The following PCDHGA7 variants were observed in gnomAD, a reference collection of about 807,000 sequenced individuals.
PCDHGA7 encodes protocadherin gamma subfamily A, 7, also known as protocadherin gamma-A7.
In PCDHGA7, 44 loss-of-function variants were observed where a neutral mutation model predicts 58.3. That is an observed-to-expected ratio of 0.75 (90% confidence interval 0.59 to 0.97). PCDHGA7 has a LOEUF of 0.97. Ranked by LOEUF, PCDHGA7 falls within the 50% of genes least tolerant of loss-of-function variation. The pLI is 0.00. For missense variants in PCDHGA7, 1,266 were observed against 1,188.7 expected, an observed-to-expected ratio of 1.06 and a Z score of -0.96; for synonymous variants, 516 against 504.2, an observed-to-expected ratio of 1.02 and a Z score of -0.31.
In PCDHGA7 at chr5:141,435,189, G is replaced by A. The variant is rs569176993; in HGVS notation, c.2424+49866G>A. Among the ~76,000 whole-genome samples the A allele has an allele frequency of 5.3e-5, 8 of 152,166 alleles. No homozygotes were observed. The South Asian group carries it at 8.3e-4, about 16-fold the overall frequency. On this transcript the variant is annotated intron_variant, in intron 1 of 3. Coordinates refer to ENST00000518325, the MANE Select transcript of PCDHGA7 (RefSeq NM_018920.4). ...GTGGCTTTTAACTACACTTGAGATGGCTAGCAAATTCATAAAGTGAATTTA... is the reference window on the plus strand; with the variant it reads ...GTGGCTTTTAACTACACTTGAGATGACTAGCAAATTCATAAAGTGAATTTA...
rs114918874 is a variant in PCDHGA7 at position 141,487,585 on chromosome 5, C to T, written c.2425-7222C>T. On this transcript the variant is annotated intron_variant, in intron 1 of 3. Transcript: ENST00000518325. This position sits in a 1 kb window ranked among gnomAD's most constrained non-coding sequence, Gnocchi z 5.0. Reference sequence around the variant, plus strand: ...CAGGGGAGCCTGTTCGCCCAAGCTGCCCACCCTCTGATCTTCTCTATGGGC... The same window carrying T: ...CAGGGGAGCCTGTTCGCCCAAGCTGTCCACCCTCTGATCTTCTCTATGGGC... 7,902 of 1,614,160 alleles carry T rather than the reference C, an allele frequency of 4.9e-3. 42 individuals are homozygous for T. The highest frequency in any genetic ancestry group is 8.8e-3 in the Admixed American group (531 of 60,020).
At chr5:141,488,198 GGACTC>G in intron 1 of PCDHGA7, among the ~76,000 whole-genome samples, 1 of 152,166 alleles carries the variant, frequency 6.6e-6, no homozygotes, top group Non-Finnish European at 1.5e-5. Context: ...CTGGGTCTTA[GGACTC>G]ATATCAAGTC....
rs748803155 is a variant in PCDHGA7, at chr5:141,490,087, G to C, written c.2425-4720G>C. ...CGGCCAACTAGACTATTCTTTTGGAGACCACACATCTGAGGCAGTGCGGAA... is the reference window on the plus strand; with the variant it reads ...CGGCCAACTAGACTATTCTTTTGGACACCACACATCTGAGGCAGTGCGGAA... On this transcript the variant is annotated intron_variant, in intron 1 of 3. Transcript: ENST00000518325. The surrounding 1 kb of genome is among the most constrained non-coding windows in gnomAD (Gnocchi z 5.4). 1.9e-6 allele frequency: 3 copies of C among 1,614,244 alleles called. No individual in the cohort carries two copies. Among genetic ancestry groups the C allele is most frequent in the Non-Finnish European group, 2.5e-6 (3 of 1,180,044 alleles).
rs2095935492 is a variant in PCDHGA7 at position 141,415,755 on chromosome 5, T to TG, written c.2424+30432_2424+30433insG. ...GTTTATTAAGGTTTTTTTTTTTTTT[T>TG]TTTTTTTTTTTTTTTTTACTTTCTG... On this transcript the variant is annotated intron_variant, in intron 1 of 3. Coordinates refer to ENST00000518325, the MANE Select transcript of PCDHGA7 (RefSeq NM_018920.4). 10 of 1,387,646 alleles carry TG rather than the reference T, an allele frequency of 7.2e-6. No individual in the cohort carries two copies. The African/African-American group carries it at 1.4e-4, about 19-fold the overall frequency. The allele number at this position is 1,387,646 out of a possible 1,614,324, so 86.0% of individuals were successfully genotyped here.
At position 141,450,051 on chromosome 5, in the gene PCDHGA7, G is replaced by C. The variant is rs576363410; in HGVS notation, c.2425-44756G>C. ...AGACAGGGTCTCACTCTTTCGCCCA[G>C]GCTGGAATGCAGTGGTATGATCTTG... On this transcript the variant is annotated intron_variant, in intron 1 of 3. Coordinates refer to ENST00000518325, the MANE Select transcript of PCDHGA7 (RefSeq NM_018920.4). Among the ~76,000 whole-genome samples, 362 of 139,654 alleles carry C rather than the reference G, an allele frequency of 2.6e-3. 1 individual carries two copies. Among genetic ancestry groups the C allele is most frequent in the South Asian group, 5.5e-3 (25 of 4,506 alleles). 91.6% of individuals were successfully genotyped at this position (139,654 alleles called of 152,430 possible). A position where few individuals can be genotyped will look rare whatever the true frequency, so the allele number is the denominator to read the frequency against.
At chr5:141,400,799 G>C (rs2094077749) in intron 1 of PCDHGA7, 1 of 553,376 alleles carries the variant, frequency 1.8e-6, no homozygotes, top group Non-Finnish European at 3.2e-6. Flanking sequence ...CTTTCTCAAA[G>C]CTAATGAATT....
intron 1 of PCDHGA7, among the ~76,000 whole-genome samples, chr5:141,467,062 T>C (rs2099136058): frequency 6.6e-6 from 1 of 151,686 alleles, no homozygotes; most frequent in South Asian, 2.1e-4. Context: ...TTTCTTTTTT[T>C]TTTTTTTTTA....
intron 1 of PCDHGA7, among the ~76,000 whole-genome samples, chr5:141,492,118 TC>T (rs1338861093): frequency 6.6e-6 from 1 of 152,176 alleles, no homozygotes; most frequent in Non-Finnish European, 1.5e-5. Flanking sequence ...CTTCGATTTC[TC>T]CCCAGCTCCC....
In PCDHGA7 at chr5:141,476,401, G is replaced by A. The variant is rs772438777; in HGVS notation, c.2425-18406G>A. The A allele has an allele frequency of 1.9e-6, 3 of 1,614,054 alleles. No individual in the cohort carries two copies. Among genetic ancestry groups the A allele is most frequent in the African/African-American group, 2.7e-5 (2 of 74,926 alleles). On this transcript the variant is annotated intron_variant, in intron 1 of 3. Coordinates refer to ENST00000518325, the MANE Select transcript of PCDHGA7 (RefSeq NM_018920.4). This position sits in a 1 kb window ranked among gnomAD's most constrained non-coding sequence, Gnocchi z 7.6. ...TTGTGAACGACCGTCTGGATCGAGA[G>A]GAGCTGTGTGGGACACTGCCCTCTT...
intron 1 of PCDHGA7, chr5:141,392,972 G>C (rs2092640426): frequency 6.2e-7 from 1 of 1,613,802 alleles, no homozygotes; most frequent in African/African-American, 1.3e-5. Context: ...AGGACCTGGG[G>C]CTGGACCCCC....
intron 1 of PCDHGA7, chr5:141,418,959 C>A: frequency 6.2e-7 from 1 of 1,613,976 alleles, no homozygotes; most frequent in East Asian, 2.2e-5. Flanking sequence ...GTGGTTGTTG[C>A]CCTCTTCAAA....
In PCDHGA7 at chr5:141,439,231, T is replaced by C. The variant is rs545867747; in HGVS notation, c.2424+53908T>C. 2.0e-5 allele frequency among the ~76,000 whole-genome samples: 3 copies of C among 151,650 alleles called. No individual in the cohort carries two copies. In the East Asian group the frequency reaches 5.8e-4, roughly 29 times the overall value. On this transcript the variant is annotated intron_variant, in intron 1 of 3. Coordinates refer to ENST00000518325, the MANE Select transcript of PCDHGA7 (RefSeq NM_018920.4). ...TCCATATGTGAAAATTCTTAGAAGC[T>C]TCCTATACAATTTCAGCTGAAGATT...
At chr5:141,463,402 T>C (rs1214124103) in intron 1 of PCDHGA7, among the ~76,000 whole-genome samples, 1 of 149,978 alleles carries the variant, frequency 6.7e-6, no homozygotes, top group African/African-American at 2.5e-5. Context: ...GCAAAAAAAA[T>C]GGAGATCCTA....
Position 141,476,591 on chromosome 5 carries a change from G to T in PCDHGA7, c.2425-18216G>T, listed in dbSNP as rs200254399. The T allele has an allele frequency of 6.2e-7, 1 of 1,614,230 alleles. No homozygotes were observed. The highest frequency in any genetic ancestry group is 8.5e-7 in the Non-Finnish European group (1 of 1,180,046). On this transcript the variant is annotated intron_variant, in intron 1 of 3. Transcript: ENST00000518325. The surrounding 1 kb of genome is among the most constrained non-coding windows in gnomAD (Gnocchi z 7.6). The stretch of plus-strand genomic sequence containing the variant: ...GGGGACGCGCTTTCCGCTCGAGAGC[G>T]CGCACGATCCCGATGTGGGAAGCAA...
rs1374592449 is a variant in PCDHGA7 at position 141,387,964 on chromosome 5, C to T, written c.2424+2641C>T. ...CTCTTCCTGCTGTCTTTGTTCTGCC[C>T]GGCGCTCTGTGAGCAGATCCGCTAC... On this transcript the variant is annotated intron_variant, in intron 1 of 3. Transcript: ENST00000518325. 1.3e-6 allele frequency: 2 copies of T among 1,493,070 alleles called. No individual in the cohort carries two copies. The highest frequency in any genetic ancestry group is 2.2e-5 in the Admixed American group (1 of 45,422). 92.5% of individuals were successfully genotyped at this position (1,493,070 alleles called of 1,614,324 possible).
chr5:141,462,007 G>C (rs2099028604), intron 1 of PCDHGA7, among the ~76,000 whole-genome samples: 1 of 152,188 alleles, frequency 6.6e-6, no homozygotes, highest in South Asian at 2.1e-4. Context: ...ATTTTTAATA[G>C]AGACGGGGTT....
chr5:141,433,651 C>T (rs905489069), intron 1 of PCDHGA7, among the ~76,000 whole-genome samples: 3 of 152,064 alleles, frequency 2.0e-5, no homozygotes, highest in Non-Finnish European at 2.9e-5. Context: ...GCCTGACCAA[C>T]ATGGAGAAAC....
chr5:141,463,466 T>G (rs1400160593), intron 1 of PCDHGA7, among the ~76,000 whole-genome samples: 2 of 142,982 alleles, frequency 1.4e-5, no homozygotes, highest in African/African-American at 5.2e-5. Context: ...TTTTTTTTTT[T>G]GAGATGGAGT....
chr5:141,388,144 G>A (rs1327741980), intron 1 of PCDHGA7: 2 of 1,458,202 alleles, frequency 1.4e-6, no homozygotes, highest in Non-Finnish European at 9.5e-7. Flanking sequence ...TTGCTTGTGA[G>A]CAGCAGGCTA....
Sources: allele counts gnomAD v4.1 joint callset (sites outside exome capture counted in the v4.1 genomes callset), GRCh38; gene constraint gnomAD v4.1.1; non-coding constraint Gnocchi (gnomAD v3.1); transcripts MANE v1.5; gene names NCBI Gene and HGNC (gene_info 2026-07-23, HGNC 2026-07-21).